MEGF11: variants seen among roughly 807,000 people sequenced by gnomAD.
MEGF11 encodes multiple epidermal growth factor-like domains protein 11.
MEGF11 carries 126 observed loss-of-function variants against 146.6 expected under a neutral mutation model. That is an observed-to-expected ratio of 0.86 (90% confidence interval 0.74 to 1.00). The LOEUF (loss-of-function observed/expected upper bound fraction) is 1.00. MEGF11 is among the 50% of genes least tolerant of loss of function. The pLI, the probability that MEGF11 is intolerant of heterozygous loss-of-function variation, is 0.00. For missense variants in MEGF11, 1,509 were observed against 1,521.2 expected (o/e 0.99, Z 0.13); for synonymous variants, 532 against 583.4 (o/e 0.91, Z 1.27).
intron 1 of MEGF11, among the ~76,000 whole-genome samples, chr15:66,252,233 C>T (rs1017648899): frequency 1.3e-5 from 2 of 150,184 alleles, no homozygotes; most frequent in African/African-American, 4.9e-5. Flanking sequence ...CGCCCCCCAC[C>T]CCCCACCCCC....
chr15:66,147,798 C>T (rs2089429638), intron 1 of MEGF11, among the ~76,000 whole-genome samples: 1 of 152,322 alleles, frequency 6.6e-6, no homozygotes, highest in Admixed American at 6.5e-5. Context: ...GATAAATGGG[C>T]AGCCATTCAA....
intron 1 of MEGF11, among the ~76,000 whole-genome samples, chr15:66,229,860 T>C (rs1424886100): frequency 1.3e-5 from 2 of 152,150 alleles, no homozygotes; most frequent in African/African-American, 2.4e-5. Context: ...CATTGGGCAA[T>C]GGGGCTGGCC....
chr15:65,926,392 T>G (rs1415173077), intron 13 of MEGF11, among the ~76,000 whole-genome samples: 1 of 152,238 alleles, frequency 6.6e-6, no homozygotes, highest in African/African-American at 2.4e-5. Flanking sequence ...TTCCAGTTTA[T>G]TTCAGTAAAC....
At chr15:66,183,168 A>G (rs1345974224) in intron 1 of MEGF11, among the ~76,000 whole-genome samples, 1 of 152,190 alleles carries the variant, frequency 6.6e-6, no homozygotes, top group Non-Finnish European at 1.5e-5. Context: ...AACACTTCAG[A>G]GTGGGTGTCT....
chr15:66,183,373 G>A (rs963095480), intron 1 of MEGF11, among the ~76,000 whole-genome samples: 5 of 151,888 alleles, frequency 3.3e-5, no homozygotes, highest in Admixed American at 3.3e-4. Flanking sequence ...GGTGGCTCAC[G>A]GCTGTAGTCC....
chr15:66,047,147 G>A (rs899279490), intron 5 of MEGF11, among the ~76,000 whole-genome samples: 1 of 152,356 alleles, frequency 6.6e-6, no homozygotes, highest in Middle Eastern at 3.4e-3. Flanking sequence ...CCTCCCCACA[G>A]ATGAGGGATT....
intron 1 of MEGF11, among the ~76,000 whole-genome samples, chr15:66,230,911 T>G (rs1443035426): frequency 6.6e-6 from 1 of 152,210 alleles, no homozygotes; most frequent in Non-Finnish European, 1.5e-5. Flanking sequence ...ACTCAGTCTG[T>G]GTGGACCCAC....
chr15:66,054,490 T>G (rs1180921637), intron 5 of MEGF11, among the ~76,000 whole-genome samples: 1 of 152,184 alleles, frequency 6.6e-6, no homozygotes, highest in Non-Finnish European at 1.5e-5. Flanking sequence ...AGAATGTCCC[T>G]TCCCCACTCT....
chr15:65,992,993 A>G (rs2082101226), intron 5 of MEGF11, among the ~76,000 whole-genome samples: 1 of 152,170 alleles, frequency 6.6e-6, no homozygotes, highest in Non-Finnish European at 1.5e-5. Flanking sequence ...ATTGACACCC[A>G]GAGAGCCAGA....
intron 5 of MEGF11, among the ~76,000 whole-genome samples, chr15:66,030,640 C>T (rs1286150095): frequency 1.3e-5 from 2 of 152,110 alleles, no homozygotes; most frequent in Non-Finnish European, 2.9e-5. Context: ...GAACTCCTGA[C>T]CTCAGGTGAT....
intron 5 of MEGF11, among the ~76,000 whole-genome samples, chr15:65,988,648 T>C (rs1157452267): frequency 6.6e-6 from 1 of 152,210 alleles, no homozygotes; most frequent in African/African-American, 2.4e-5. Flanking sequence ...TTTGATGCCG[T>C]TATGGACTGT....
chr15:66,017,448 T>C (rs1487617342), intron 5 of MEGF11, among the ~76,000 whole-genome samples: 2 of 152,232 alleles, frequency 1.3e-5, no homozygotes, highest in African/African-American at 4.8e-5. Flanking sequence ...CTCAAGCTTA[T>C]ACAGGTTGTG....
At chr15:66,060,449 T>TGCACCATG (rs1252238814) in intron 5 of MEGF11, among the ~76,000 whole-genome samples, 5 of 152,242 alleles carry the variant, frequency 3.3e-5, no homozygotes, top group Non-Finnish European at 7.3e-5. Flanking sequence ...CACCATTGAA[T>TGCACCATG]GACACTGCAC....
At chr15:66,165,463 A>G (rs1485065587) in intron 1 of MEGF11, among the ~76,000 whole-genome samples, 1 of 152,162 alleles carries the variant, frequency 6.6e-6, no homozygotes, top group Non-Finnish European at 1.5e-5. Flanking sequence ...AGTCACCACC[A>G]CCAGCACAGA....
At chr15:66,208,981 A>T (rs750338254) in intron 1 of MEGF11, among the ~76,000 whole-genome samples, 5 of 152,214 alleles carry the variant, frequency 3.3e-5, no homozygotes, top group African/African-American at 1.2e-4. Flanking sequence ...TAAAGAAACT[A>T]TATCACTCAT....
Position 65,983,908 on chromosome 15 carries a change from T to C in MEGF11, c.395-1420A>G, listed in dbSNP as rs573097187. Among the ~76,000 whole-genome samples the C allele has an allele frequency of 9.8e-5, 15 of 152,310 alleles. 1 individual carries two copies. In the South Asian group the frequency reaches 3.1e-3, roughly 32 times the overall value. On this transcript the variant is annotated intron_variant, in intron 5 of 25. Transcript: ENST00000395614. The stretch of plus-strand genomic sequence containing the variant: ...GGTTCCAGTGTGGCCAGTAAGTGCA[T>C]GTGATCTTTGGGGGCTGAAGGTTGG...
intron 5 of MEGF11, among the ~76,000 whole-genome samples, chr15:66,067,416 C>G (rs1418784809): frequency 6.6e-6 from 1 of 152,204 alleles, no homozygotes; most frequent in Non-Finnish European, 1.5e-5. Context: ...TTACTGTTTC[C>G]ACTTTACAGA....
At position 66,179,124 on chromosome 15, in the gene MEGF11, G is replaced by A. The variant is rs764705356; in HGVS notation, c.-8-50713C>T. On this transcript the variant is annotated intron_variant, in intron 1 of 25. Coordinates refer to ENST00000395614, the MANE Select transcript of MEGF11 (RefSeq NM_001385028.1). ...ACAGCCCCAGCTCTAGGAGGTTGGT[G>A]ACTCTGTTTTGTTTTGGTTTGTTTT... Among the ~76,000 whole-genome samples, 9 of 152,028 alleles carry A rather than the reference G, an allele frequency of 5.9e-5. No individual in the cohort carries two copies. In the South Asian group the frequency reaches 1.0e-3, roughly 18 times the overall value.
At chr15:66,137,727 T>C (rs1016321877) in intron 1 of MEGF11, among the ~76,000 whole-genome samples, 3 of 151,826 alleles carry the variant, frequency 2.0e-5, no homozygotes, top group African/African-American at 7.3e-5. Flanking sequence ...CTTTTTTTTT[T>C]CTCTTAGAGA....
Sources: allele counts gnomAD v4.1 joint callset (sites outside exome capture counted in the v4.1 genomes callset), GRCh38; gene constraint gnomAD v4.1.1; transcripts MANE v1.5; gene names NCBI Gene and HGNC (gene_info 2026-07-23, HGNC 2026-07-21).